MBOAT1: variants seen among roughly 807,000 people sequenced by gnomAD.
MBOAT1 encodes the protein membrane bound glycerophospholipid O-acyltransferase 1, also known as membrane-bound glycerophospholipid O-acyltransferase 1.
In MBOAT1, 67 loss-of-function variants were observed where a neutral mutation model predicts 64.4. The observed-to-expected ratio is 1.04, with a 90% CI of 0.85 to 1.27. The LOEUF is 1.27. Among genes scored for constraint, MBOAT1 ranks in the 50% most tolerant of loss-of-function variants. The pLI, the probability that MBOAT1 is intolerant of heterozygous loss-of-function variation, is 0.00. For missense variants in MBOAT1, 563 were observed against 604.6 expected, an observed-to-expected ratio of 0.93 and a Z score of 0.72; for synonymous variants, 229 against 218.9, an observed-to-expected ratio of 1.05 and a Z score of -0.41.
intron 1 of MBOAT1, among the ~76,000 whole-genome samples, chr6:20,191,752 GCAGT>G (rs1762808370): frequency 6.6e-6 from 1 of 152,142 alleles, no homozygotes; most frequent in Non-Finnish European, 1.5e-5. Context: ...AATATAGGAA[GCAGT>G]CAATTTTAAA....
At chr6:20,166,514 G>A (rs1762018860) in intron 1 of MBOAT1, among the ~76,000 whole-genome samples, 1 of 152,156 alleles carries the variant, frequency 6.6e-6, no homozygotes, top group Non-Finnish European at 1.5e-5. Context: ...GAGCCAGCAT[G>A]CCTTTAGACA....
chr6:20,167,406 C>A lies in MBOAT1; in HGVS notation c.100-14637G>T, dbSNP rs1762044470. On this transcript the variant is annotated intron_variant, in intron 1 of 12. Transcript: ENST00000324607. ...TAAGGGTATGCTCTCCTCACCCTTG[C>A]CAGCATAGGGGGCTGTTAATCTGTT... is the stretch of plus-strand genomic sequence containing the variant. Among the ~76,000 whole-genome samples, 3 of 152,190 alleles carry A rather than the reference C, an allele frequency of 2.0e-5. No homozygotes were observed. In the South Asian group the frequency reaches 6.2e-4, roughly 32 times the overall value.
chr6:20,126,481 C>T, intron 7 of MBOAT1, 36 bp downstream of exon 7: 2 of 1,551,090 alleles, frequency 1.3e-6, no homozygotes, highest in Non-Finnish European at 1.7e-6. Context: ...TCAACCCTGG[C>T]AGCAAAACCC....
intron 1 of MBOAT1, among the ~76,000 whole-genome samples, chr6:20,193,252 C>T (rs1199178171): frequency 6.6e-6 from 1 of 151,264 alleles, no homozygotes; most frequent in Non-Finnish European, 1.5e-5. Context: ...CTGATCCGCC[C>T]GCCTAGGCCT....
intron 4 of MBOAT1, among the ~76,000 whole-genome samples, chr6:20,133,995 C>T (rs1219633450): frequency 1.3e-5 from 2 of 152,206 alleles, no homozygotes; most frequent in African/African-American, 4.8e-5. Flanking sequence ...CTGTGATCCT[C>T]ATCTGTCCAA....
chr6:20,132,968 C>A (rs572330273), intron 4 of MBOAT1, among the ~76,000 whole-genome samples: 1 of 152,316 alleles, frequency 6.6e-6, no homozygotes, highest in Admixed American at 6.5e-5. Flanking sequence ...TCCTAATTCC[C>A]ATTTTCCACC....
In MBOAT1 at chr6:20,182,065, C is replaced by T. The variant is rs375073227; in HGVS notation, c.100-29296G>A. Among the ~76,000 whole-genome samples the T allele has an allele frequency of 9.2e-5, 14 of 152,110 alleles. No individual in the cohort carries two copies. The East Asian group carries it at 1.2e-3, about 13-fold the overall frequency. On this transcript the variant is annotated intron_variant, in intron 1 of 12. Coordinates refer to ENST00000324607, the MANE Select transcript of MBOAT1 (RefSeq NM_001080480.3). ...TCAAATTCCTTGGTTATAAAATAGG[C>T]GTATAATGCCTATTTCCAGAGTTGT...
At chr6:20,173,554 A>G (rs952518362) in intron 1 of MBOAT1, among the ~76,000 whole-genome samples, 2 of 152,240 alleles carry the variant, frequency 1.3e-5, no homozygotes, top group Non-Finnish European at 2.9e-5. Flanking sequence ...ATAGAAAGAC[A>G]TATAAGAGAT....
At chr6:20,144,727 A>G (rs951273713) in intron 3 of MBOAT1, among the ~76,000 whole-genome samples, 10 of 152,206 alleles carry the variant, frequency 6.6e-5, no homozygotes, top group African/African-American at 2.2e-4. Flanking sequence ...TAAAGTACAA[A>G]TCATCACCAT....
At chr6:20,168,640 A>AGAGAAGAGAAGAGAGGAGAGGAGAG (rs1254759093) in intron 1 of MBOAT1, among the ~76,000 whole-genome samples, 2 of 53,678 alleles carry the variant, frequency 3.7e-5, no homozygotes, top group African/African-American at 6.0e-5. Flanking sequence ...AGAGAAGAGA[A>AGAGAAGAGAAGAGAGGAGAGGAGAG]GAGAGGAGAG....
chr6:20,181,537 T>G (rs1762508898), intron 1 of MBOAT1, among the ~76,000 whole-genome samples: 1 of 152,184 alleles, frequency 6.6e-6, no homozygotes, highest in African/African-American at 2.4e-5. Flanking sequence ...AAATAAAAAT[T>G]CCCAGAGAGC....
chr6:20,168,604 A>G (rs1762090899), intron 1 of MBOAT1, among the ~76,000 whole-genome samples: 1 of 8,714 alleles, frequency 1.1e-4, no homozygotes, highest in African/African-American at 2.0e-4. Flanking sequence ...AGAAAGAGAG[A>G]AGAGAAGAGA....
intron 1 of MBOAT1, among the ~76,000 whole-genome samples, chr6:20,172,846 G>C (rs181053461): frequency 4.9e-4 from 74 of 152,312 alleles, no homozygotes; most frequent in Non-Finnish European, 7.5e-4. Flanking sequence ...TGGTGATATG[G>C]GTTGGATCAG....
chr6:20,178,247 G>C (rs896288155), intron 1 of MBOAT1, among the ~76,000 whole-genome samples: 1 of 152,016 alleles, frequency 6.6e-6, no homozygotes, highest in Admixed American at 6.6e-5. Flanking sequence ...TTCTATTTCT[G>C]TTTTACATTT....
Position 20,118,496 on chromosome 6 carries a change from C to G in MBOAT1, c.952G>C (p.Asp318His). 1 of 1,614,044 alleles carries G rather than the reference C, an allele frequency of 6.2e-7. No individual in the cohort carries two copies. Among genetic ancestry groups the G allele is most frequent in the African/African-American group, 1.3e-5 (1 of 75,052 alleles). Reference protein sequence around the residue: ...NAAGFGFSGVDKNGNFCWDLL... With the variant: ...NAAGFGFSGVHKNGNFCWDLL... Reference sequence around the variant, plus strand: ...TCCCAACAGAAATTCCCATTCTTATCCACTCCGCTGAACCCAAAGCCAGCT... The same window carrying G: ...TCCCAACAGAAATTCCCATTCTTATGCACTCCGCTGAACCCAAAGCCAGCT... The change falls in exon 9 of 13, where the codon GAT becomes CAT. Residue 318 changes from aspartate to histidine, a missense_variant. Coordinates refer to ENST00000324607, the MANE Select transcript of MBOAT1 (RefSeq NM_001080480.3).
At position 20,152,856 on chromosome 6, in the gene MBOAT1, G is replaced by A. The variant is rs1206941282; in HGVS notation, c.100-87C>T. The stretch of plus-strand genomic sequence containing the variant: ...GTTTTGTTTTGTTTTGTTTTGAGAC[G>A]GAGTCTCGTTCTGTCGCCCAGGCTG... On this transcript the variant is annotated intron_variant, in intron 1 of 12. Transcript: ENST00000324607. 15 of 1,409,132 alleles carry A rather than the reference G, an allele frequency of 1.1e-5. 1 individual carries two copies. Among genetic ancestry groups the A allele is most frequent in the South Asian group, 2.7e-5 (2 of 73,588 alleles). The allele number at this position is 1,409,132 out of a possible 1,614,324, so 87.3% of individuals were successfully genotyped here.
chr6:20,199,162 TCA>T (rs1443375882), intron 1 of MBOAT1, among the ~76,000 whole-genome samples: 3 of 152,256 alleles, frequency 2.0e-5, no homozygotes, highest in African/African-American at 7.2e-5. Context: ...TGCTGGAGTC[TCA>T]CAGCCTACTC....
Position 20,101,152 on chromosome 6 carries a change from T to A in MBOAT1, c.*1134A>T, listed in dbSNP as rs1470609227. On this transcript the variant is annotated 3_prime_UTR_variant, in exon 13 of 13. Coordinates refer to ENST00000324607, the MANE Select transcript of MBOAT1 (RefSeq NM_001080480.3). Reference sequence around the variant, plus strand: ...ACTTCTATATAACTTCAAATTACTTTAAAAAAATTTCCTAAAAGGCATTCT... The same window carrying A: ...ACTTCTATATAACTTCAAATTACTTAAAAAAAATTTCCTAAAAGGCATTCT... Among the ~76,000 whole-genome samples, 1 of 152,148 alleles carries A rather than the reference T, an allele frequency of 6.6e-6. No individual in the cohort carries two copies. The highest frequency in any genetic ancestry group is 1.9e-4 in the East Asian group (1 of 5,190).
intron 1 of MBOAT1, among the ~76,000 whole-genome samples, chr6:20,188,882 G>T (rs946923827): frequency 6.6e-6 from 1 of 152,156 alleles, no homozygotes; most frequent in African/African-American, 2.4e-5. Flanking sequence ...CCTGCAGGTT[G>T]TTCTTTTGTT....
Sources: allele counts gnomAD v4.1 joint callset (sites outside exome capture counted in the v4.1 genomes callset), GRCh38; gene constraint gnomAD v4.1.1; transcripts MANE v1.5; gene names NCBI Gene and HGNC (gene_info 2026-07-23, HGNC 2026-07-21).